The following RXRA variants were observed in gnomAD, a reference collection of about 807,000 sequenced individuals.
RXRA encodes retinoic acid receptor RXR-alpha.
In RXRA, 5 loss-of-function variants were observed where a neutral mutation model predicts 44.5. The ratio of observed to expected loss-of-function variants is 0.11; its 90% CI spans 0.06 to 0.24. The LOEUF (loss-of-function observed/expected upper bound fraction) is 0.24. RXRA is among the 10% of genes least tolerant of loss of function. The probability of loss-of-function intolerance (pLI) is 1.00; values close to 1 mark genes in which losing one functional copy is unlikely to be tolerated. For missense variants in RXRA, 412 were observed against 646.5 expected (o/e 0.64, Z 3.93); for synonymous variants, 291 against 271.4 (o/e 1.07, Z -0.71).
intron 1 of RXRA, among the ~76,000 whole-genome samples, chr9:134,358,257 G>A (rs1234648896): frequency 6.6e-6 from 1 of 152,256 alleles, no homozygotes; most frequent in Non-Finnish European, 1.5e-5. Context: ...CACGAGCCAG[G>A]AGATGGGCAC....
In RXRA at chr9:134,421,681, C is replaced by T. The variant is rs139223455; in HGVS notation, c.786C>T (p.Asn262=). 86 of 1,562,320 alleles carry T rather than the reference C, an allele frequency of 5.5e-5. No homozygotes were observed. In the African/African-American group the frequency reaches 6.2e-4, roughly 11 times the overall value. The part of the protein sequence containing the change: ...ANMGLNPSSP[N]DPVTNICQAA... ...CTCTTCTTCCTCCACTGCAGCCGAA[C>T]GACCCTGTCACCAACATTTGCCAAG... Residue 262 remains asparagine (N), a synonymous_variant, in exon 6 of 10, where the codon AAC becomes AAT. Transcript: ENST00000481739.
Position 134,411,783 on chromosome 9 carries a change from G to A in RXRA, c.610+2664G>A, listed in dbSNP as rs187760404. On this transcript the variant is annotated intron_variant, in intron 4 of 9. Transcript: ENST00000481739. ...CCTCTGCGTGGGCGGTGAGGAGGCAGTGAGGCCCCCGTGCCAAACGTGCCC... is the reference window on the plus strand; with the variant it reads ...CCTCTGCGTGGGCGGTGAGGAGGCAATGAGGCCCCCGTGCCAAACGTGCCC... 2.2e-3 allele frequency among the ~76,000 whole-genome samples: 332 copies of A among 152,338 alleles called. 1 individual carries two copies. The highest frequency in any genetic ancestry group is 7.6e-3 in the African/African-American group (318 of 41,574).
intron 2 of RXRA, chr9:134,406,071 A>G (rs1259575762): frequency 1.3e-5 from 2 of 152,238 alleles, no homozygotes; most frequent in Non-Finnish European, 1.5e-5. Flanking sequence ...GCCCTGGCAC[A>G]TGGAGCGACT....
rs532718714 is a variant in RXRA, at chr9:134,342,305, C to T, written c.28+15646C>T. On this transcript the variant is annotated intron_variant, in intron 1 of 9. Coordinates refer to ENST00000481739, the MANE Select transcript of RXRA (RefSeq NM_002957.6). The surrounding 1 kb of genome is among the most constrained non-coding windows in gnomAD (Gnocchi z 4.4). ...CCCCGGTACCAGCTTGTGCCAAGCC[C>T]ATTGCCCTCCCAGAACCCTGGGGGA... Among the ~76,000 whole-genome samples the T allele has an allele frequency of 7.9e-5, 12 of 152,198 alleles. No individual in the cohort carries two copies. The highest frequency in any genetic ancestry group is 2.6e-4 in the African/African-American group (11 of 41,516).
intron 1 of RXRA, among the ~76,000 whole-genome samples, chr9:134,335,876 C>G (rs1220060318): frequency 6.6e-6 from 1 of 152,168 alleles, no homozygotes; most frequent in African/African-American, 2.4e-5. Flanking sequence ...GCCCTGTGGT[C>G]CTGCCTTGGT....
intron 5 of RXRA, among the ~76,000 whole-genome samples, chr9:134,419,193 C>G (rs190948732): frequency 1.3e-5 from 2 of 152,196 alleles, no homozygotes; most frequent in Admixed American, 6.5e-5. Flanking sequence ...TCACCAGCCT[C>G]GCGGAGGGCA....
At position 134,426,006 on chromosome 9, in the gene RXRA, A is replaced by G. The variant is rs558240403; in HGVS notation, c.911-3102A>G. On this transcript the variant is annotated intron_variant, in intron 6 of 9. Transcript: ENST00000481739. This position sits in a 1 kb window ranked among gnomAD's most constrained non-coding sequence, Gnocchi z 4.6. ...CTTGACTCTGTGCTGTTCCTTCCGG[A>G]AGCGCTGTCCAGGGGTCCTGCAACC... The G allele has an allele frequency of 7.9e-4, 774 of 985,106 alleles. No individual in the cohort carries two copies. The highest frequency in any genetic ancestry group is 8.5e-4 in the Non-Finnish European group (709 of 829,868). The allele number at this position is 985,106 out of a possible 1,614,324, so 61.0% of individuals were successfully genotyped here.
intron 1 of RXRA, among the ~76,000 whole-genome samples, chr9:134,354,984 C>A (rs911200716): frequency 2.0e-5 from 3 of 152,346 alleles, no homozygotes; most frequent in African/African-American, 7.2e-5. Context: ...AGCAGAGGGG[C>A]TCTGGGAGAC....
chr9:134,396,141 A>C (rs763817643), intron 1 of RXRA, among the ~76,000 whole-genome samples: 73 of 152,282 alleles, frequency 4.8e-4, no homozygotes, highest in Non-Finnish European at 6.0e-4. Flanking sequence ...GGGGTTGCCT[A>C]GGGTCTCTCC....
chr9:134,342,470 C>A lies in RXRA; in HGVS notation c.28+15811C>A, dbSNP rs1165767424. Among the ~76,000 whole-genome samples the A allele has an allele frequency of 6.6e-6, 1 of 152,200 alleles. No individual in the cohort carries two copies. Among genetic ancestry groups the A allele is most frequent in the Non-Finnish European group, 1.5e-5 (1 of 68,030 alleles). On this transcript the variant is annotated intron_variant, in intron 1 of 9. Transcript: ENST00000481739. This position sits in a 1 kb window ranked among gnomAD's most constrained non-coding sequence, Gnocchi z 4.4. Reference sequence around the variant, plus strand: ...AACTGAGGCACAGAGAGCAGGGGTCCCCCAGGTGGTCAGGCCCCAGAGGCT... The same window carrying A: ...AACTGAGGCACAGAGAGCAGGGGTCACCCAGGTGGTCAGGCCCCAGAGGCT...
chr9:134,354,536 G>T (rs1049779322), intron 1 of RXRA, among the ~76,000 whole-genome samples: 1 of 152,140 alleles, frequency 6.6e-6, no homozygotes, highest in East Asian at 1.9e-4. Context: ...TAAGATTCCT[G>T]GTACCCAGGC....
intron 1 of RXRA, among the ~76,000 whole-genome samples, chr9:134,356,131 T>G (rs925773560): frequency 4.6e-5 from 7 of 152,156 alleles, no homozygotes; most frequent in Non-Finnish European, 1.0e-4. Flanking sequence ...TGGCATGTCC[T>G]TCCCTCCTGC....
rs1004530387 is a variant in RXRA at position 134,422,221 on chromosome 9, G to T, written c.910+416G>T. 7.1e-6 allele frequency: 9 copies of T among 1,264,878 alleles called. No homozygotes were observed. In the Admixed American group the frequency reaches 2.2e-4, roughly 31 times the overall value. The allele number at this position is 1,264,878 out of a possible 1,614,324, so 78.4% of individuals were successfully genotyped here. A position where few individuals can be genotyped will look rare whatever the true frequency, so the allele number is the denominator to read the frequency against. On this transcript the variant is annotated intron_variant, in intron 6 of 9. Coordinates refer to ENST00000481739, the MANE Select transcript of RXRA (RefSeq NM_002957.6). ...CCAGGGACACACTTCCCCCTCCTGGGACATACTCCCCACTCCTGGGATGCT... is the reference window on the plus strand; with the variant it reads ...CCAGGGACACACTTCCCCCTCCTGGTACATACTCCCCACTCCTGGGATGCT...
intron 1 of RXRA, among the ~76,000 whole-genome samples, chr9:134,367,462 G>A (rs936690487): frequency 6.6e-5 from 10 of 152,222 alleles, no homozygotes; most frequent in African/African-American, 1.9e-4. Context: ...CAGGGACGAC[G>A]TGCCAGGGCC....
chr9:134,358,632 C>G (rs193267619), intron 1 of RXRA, among the ~76,000 whole-genome samples: 1 of 152,210 alleles, frequency 6.6e-6, no homozygotes, highest in African/African-American at 2.4e-5. Flanking sequence ...GGATGCTGTT[C>G]CAGCCCAGCA....
At chr9:134,429,741 C>T (rs1588308641) in intron 7 of RXRA, among the ~76,000 whole-genome samples, 2 of 152,316 alleles carry the variant, frequency 1.3e-5, no homozygotes, top group African/African-American at 2.4e-5. Context: ...TCTCAGGGGA[C>T]ACACTGGAGG....
chr9:134,425,158 G>A lies in RXRA; in HGVS notation c.910+3353G>A, dbSNP rs545469891. The A allele has an allele frequency of 3.0e-6, 3 of 985,422 alleles. No individual in the cohort carries two copies. In the South Asian group the frequency reaches 1.4e-4, roughly 46 times the overall value. The allele number at this position is 985,422 out of a possible 1,614,324, so 61.0% of individuals were successfully genotyped here. Reference sequence around the variant, plus strand: ...ACTGAGTGGGGGTGCAGTGGCCACAGCCCTGCAGGGGCCCAGAAACTGGTG... The same window carrying A: ...ACTGAGTGGGGGTGCAGTGGCCACAACCCTGCAGGGGCCCAGAAACTGGTG... On this transcript the variant is annotated intron_variant, in intron 6 of 9. Transcript: ENST00000481739.
At chr9:134,368,437 G>A (rs987132513) in intron 1 of RXRA, among the ~76,000 whole-genome samples, 1 of 152,254 alleles carries the variant, frequency 6.6e-6, no homozygotes, top group Non-Finnish European at 1.5e-5. Flanking sequence ...TCGGAGATGC[G>A]CCCTCCAGGA....
chr9:134,401,453 A>G, intron 1 of RXRA, 179 bp from the exon 2 acceptor site: 1 of 934,144 alleles, frequency 1.1e-6, no homozygotes, highest in Non-Finnish European at 1.6e-6. Context: ...AGCTCTGGGC[A>G]CACCTGGCCC....
Sources: allele counts gnomAD v4.1 joint callset (sites outside exome capture counted in the v4.1 genomes callset), GRCh38; gene constraint gnomAD v4.1.1; non-coding constraint Gnocchi (gnomAD v3.1); transcripts MANE v1.5; gene names NCBI Gene and HGNC (gene_info 2026-07-23, HGNC 2026-07-21).